The following BDP1 variants were observed in gnomAD, a reference collection of about 807,000 sequenced individuals.
The protein encoded by BDP1 is transcription factor TFIIIB component B'' homolog.
BDP1 carries 169 observed loss-of-function variants against 266.6 expected under a neutral mutation model. That is an observed-to-expected ratio of 0.63 (90% CI 0.56 to 0.72). BDP1 has a LOEUF of 0.72. BDP1 is among the 30% of genes least tolerant of loss of function. The pLI is 0.00. For missense variants in BDP1, 3,015 were observed against 3,053.8 expected (o/e 0.99, Z 0.30); for synonymous variants, 1,090 against 1,022.4 (o/e 1.07, Z -1.26).
At chr5:71,532,747 C>G (rs1167974498) in intron 26 of BDP1, among the ~76,000 whole-genome samples, 1 of 152,142 alleles carries the variant, frequency 6.6e-6, no homozygotes, top group Admixed American at 6.5e-5. Flanking sequence ...CCTTTGCAAG[C>G]GGAGGCTTGA....
chr5:71,491,197 C>T (rs1318805705), intron 11 of BDP1, 66 bp downstream of exon 11: 2 of 1,451,244 alleles, frequency 1.4e-6, no homozygotes, highest in Non-Finnish European at 1.9e-6. Flanking sequence ...GTGTTGAAGT[C>T]TCCATCTGTA....
chr5:71,457,453 C>T (rs1761270328), intron 1 of BDP1, among the ~76,000 whole-genome samples: 1 of 151,648 alleles, frequency 6.6e-6, no homozygotes. Flanking sequence ...GTATCTGGGA[C>T]TACAGGCGTG....
At chr5:71,553,015 C>T in intron 34 of BDP1, 101 bp from the exon 35 acceptor site, 1 of 1,008,102 alleles carries the variant, frequency 9.9e-7, no homozygotes. Context: ...ATACCTCAGC[C>T]TTTAACTTTA....
rs994720538 is a variant in BDP1, at chr5:71,455,801, C to T, written c.-77C>T. ...TTGTGGGGAGGGCGTAGTTCCTAAT[C>T]CCCTTTCCGGGCAGCCGCCGGGGCT... On this transcript the variant is annotated 5_prime_UTR_variant, in exon 1 of 39. Transcript: ENST00000358731. The T allele has an allele frequency of 2.3e-6, 3 of 1,297,090 alleles. No homozygotes were observed. The Admixed American group carries it at 7.1e-5, about 31-fold the overall frequency. 80.3% of individuals were successfully genotyped at this position (1,297,090 alleles called of 1,614,324 possible).
chr5:71,567,738 C>G lies in BDP1; in HGVS notation c.*2853C>G, dbSNP rs534484406. On this transcript the variant is annotated 3_prime_UTR_variant, in exon 39 of 39. Transcript: ENST00000358731. ...AAGTCTTTGACAGAAAAAGCAATATCATGTCATTTATAAATTTTCTTGTTC... is the reference window on the plus strand; with the variant it reads ...AAGTCTTTGACAGAAAAAGCAATATGATGTCATTTATAAATTTTCTTGTTC... 44 of 152,572 alleles carry G rather than the reference C, an allele frequency of 2.9e-4. No individual in the cohort carries two copies. The South Asian group carries it at 8.5e-3, about 29-fold the overall frequency. 9.5% of individuals were successfully genotyped at this position (152,572 alleles called of 1,614,324 possible). A position where few individuals can be genotyped will look rare whatever the true frequency, so the allele number is the denominator to read the frequency against.
At chr5:71,483,723 C>T (rs1763095874) in intron 7 of BDP1, 119 bp from the exon 8 acceptor site, 2 of 713,322 alleles carry the variant, frequency 2.8e-6, no homozygotes, top group Non-Finnish European at 2.4e-6. Flanking sequence ...TTGGCAAAGA[C>T]ATATTAAGTA....
chr5:71,462,128 A>G (rs1761616469), intron 3 of BDP1, among the ~76,000 whole-genome samples: 1 of 151,752 alleles, frequency 6.6e-6, no homozygotes, highest in African/African-American at 2.4e-5. Flanking sequence ...ACACCCGGCT[A>G]ATTTTTGTAT....
At chr5:71,477,641 T>C (rs956382360) in intron 7 of BDP1, among the ~76,000 whole-genome samples, 16 of 151,532 alleles carry the variant, frequency 1.1e-4, no homozygotes, top group African/African-American at 3.4e-4. Context: ...TTTTTTGATA[T>C]AGGGTCTCAC....
At chr5:71,467,229 A>C in intron 5 of BDP1, 125 bp from the exon 6 acceptor site, 1 of 748,892 alleles carries the variant, frequency 1.3e-6, no homozygotes, top group South Asian at 2.0e-5. Context: ...CATATTTCAC[A>C]TAGGTATTAT....
At chr5:71,496,665 C>A (rs1459748729) in intron 12 of BDP1, among the ~76,000 whole-genome samples, 1 of 152,144 alleles carries the variant, frequency 6.6e-6, no homozygotes, top group Non-Finnish European at 1.5e-5. Flanking sequence ...TCACTGCAAC[C>A]CCCGCCTCCC....
chr5:71,481,955 G>A (rs550114996), intron 7 of BDP1, among the ~76,000 whole-genome samples: 19 of 152,118 alleles, frequency 1.2e-4, no homozygotes, highest in Non-Finnish European at 2.1e-4. Context: ...GCTACTCTAG[G>A]GTATCGTTTT....
intron 38 of BDP1, among the ~76,000 whole-genome samples, chr5:71,563,103 A>G (rs1490006190): frequency 2.0e-5 from 3 of 152,156 alleles, no homozygotes; most frequent in African/African-American, 7.2e-5. Flanking sequence ...AGATCAAGAT[A>G]TCAGTCTAGC....
intron 38 of BDP1, among the ~76,000 whole-genome samples, chr5:71,563,969 A>G (rs1743856340): frequency 6.6e-6 from 1 of 152,188 alleles, no homozygotes; most frequent in Non-Finnish European, 1.5e-5. Context: ...GTGTTTTTCC[A>G]TGGCATTTTT....
At chr5:71,530,980 G>A (rs1030824057) in intron 25 of BDP1, among the ~76,000 whole-genome samples, 4 of 152,076 alleles carry the variant, frequency 2.6e-5, no homozygotes, top group Admixed American at 6.6e-5. Context: ...GGGCTGAGGC[G>A]GGAGGATTGC....
chr5:71,562,362 A>C lies in BDP1; in HGVS notation c.7585A>C (p.Lys2529Gln), dbSNP rs1406257020. 1.2e-6 allele frequency: 2 copies of C among 1,613,854 alleles called. No individual in the cohort carries two copies. Among genetic ancestry groups the C allele is most frequent in the Non-Finnish European group, 1.7e-6 (2 of 1,179,786 alleles). Residue 2529 changes from lysine (K) to glutamine (Q), a missense_variant, in exon 38 of 39, where the codon AAA becomes CAA. Transcript: ENST00000358731. ...SDEPMQVHSK[K>Q]RLKPLIPGLR... is the part of the protein sequence containing the mutation. ...TGAACCTATGCAAGTCCATAGTAAG[A>C]AACGCCTAAAACCTCTTATACCTGG...
chr5:71,562,218 A>T, intron 37 of BDP1, 56 bp from the exon 38 acceptor site: 1 of 1,322,672 alleles, frequency 7.6e-7, no homozygotes, highest in Non-Finnish European at 1.0e-6. Flanking sequence ...AAAAAAAAAA[A>T]AAAAAGAATG....
At position 71,460,272 on chromosome 5, in the gene BDP1, C is replaced by G. The variant is rs148219325; in HGVS notation, c.489+1417C>G. 3.0e-3 allele frequency among the ~76,000 whole-genome samples: 454 copies of G among 152,268 alleles called. 2 individuals are homozygous for G. Among genetic ancestry groups the G allele is most frequent in the South Asian group, 4.8e-3 (23 of 4,824 alleles). ...GTGCACGCCTGTAATCCCAGCTACT[C>G]AGGAGGCTGAGACAGGAGAATCGCT... On this transcript the variant is annotated intron_variant, in intron 2 of 38. Coordinates refer to ENST00000358731, the MANE Select transcript of BDP1 (RefSeq NM_018429.3).
chr5:71,465,517 C>T (rs1280658951), intron 4 of BDP1, among the ~76,000 whole-genome samples: 1 of 152,114 alleles, frequency 6.6e-6, no homozygotes, highest in African/African-American at 2.4e-5. Flanking sequence ...CCTGCCTTGG[C>T]CTCTGAAATT....
intron 7 of BDP1, among the ~76,000 whole-genome samples, chr5:71,471,074 TATA>T (rs1276651387): frequency 6.6e-6 from 1 of 151,042 alleles, no homozygotes; most frequent in Non-Finnish European, 1.5e-5. Context: ...GCAACTAAGA[TATA>T]AGAAGAGTTA....
Sources: gnomAD v4.1 joint callset for allele counts (sites outside exome capture counted in the v4.1 genomes callset) on GRCh38, gnomAD v4.1.1 for gene constraint, MANE v1.5 for transcripts, NCBI Gene and HGNC (gene_info 2026-07-23, HGNC 2026-07-21) for gene names.